The following GAS7 variants were observed in gnomAD, a reference collection of about 807,000 sequenced individuals.
GAS7 encodes the protein growth arrest-specific protein 7.
GAS7 carries 28 observed loss-of-function variants against 71.1 expected under a neutral mutation model. The observed-to-expected ratio is 0.39, with a 90% CI of 0.29 to 0.54. The LOEUF is 0.54. Among genes scored for constraint, GAS7 ranks in the 20% least tolerant of loss-of-function variants. The pLI, the probability that GAS7 is intolerant of heterozygous loss-of-function variation, is 0.62. For missense variants in GAS7, 436 were observed against 627.8 expected, an observed-to-expected ratio of 0.69 and a Z score of 3.27; for synonymous variants, 258 against 245.8, an observed-to-expected ratio of 1.05 and a Z score of -0.46.
At chr17:10,107,907 G>A (rs1243397230) in intron 1 of GAS7, among the ~76,000 whole-genome samples, 2 of 151,202 alleles carry the variant, frequency 1.3e-5, no homozygotes, top group African/African-American at 4.9e-5. Flanking sequence ...ACACAGTCCA[G>A]TGGTGGTGGG....
At chr17:9,930,099 G>A (rs2068156555) in intron 9 of GAS7, among the ~76,000 whole-genome samples, 1 of 152,220 alleles carries the variant, frequency 6.6e-6, no homozygotes, top group African/African-American at 2.4e-5. Context: ...GATTTAATGG[G>A]CCAGGACCAG....
intron 1 of GAS7, among the ~76,000 whole-genome samples, chr17:10,173,960 C>G (rs2074353639): frequency 6.6e-6 from 1 of 152,128 alleles, no homozygotes; most frequent in Admixed American, 6.5e-5. Flanking sequence ...CACAGGAAAA[C>G]CAGCTGATCT....
intron 1 of GAS7, among the ~76,000 whole-genome samples, chr17:10,128,408 A>G (rs2073968029): frequency 6.6e-6 from 1 of 152,048 alleles, no homozygotes; most frequent in African/African-American, 2.4e-5. Flanking sequence ...GAGACCCACA[A>G]ACCCACAGCC....
intron 1 of GAS7, among the ~76,000 whole-genome samples, chr17:10,080,567 G>A (rs1015816382): frequency 6.6e-6 from 1 of 152,078 alleles, no homozygotes; most frequent in Non-Finnish European, 1.5e-5. Flanking sequence ...CTTGGGGTCT[G>A]GTTCAGGACC....
intron 1 of GAS7, among the ~76,000 whole-genome samples, chr17:10,139,960 C>G (rs2074067512): frequency 6.6e-6 from 1 of 152,226 alleles, no homozygotes; most frequent in Admixed American, 6.5e-5. Flanking sequence ...GATACCCACA[C>G]TATCAAAGTC....
At chr17:10,057,163 G>T (rs926137540) in intron 1 of GAS7, among the ~76,000 whole-genome samples, 1 of 152,156 alleles carries the variant, frequency 6.6e-6, no homozygotes, top group Non-Finnish European at 1.5e-5. Context: ...CCTCCCAGCC[G>T]CCTGCCTTGG....
rs1298584869 is a variant in GAS7, at chr17:9,911,544, T to G, written c.*5684A>C. The G allele has an allele frequency of 4.3e-6, 1 of 233,164 alleles. No homozygotes were observed. The highest frequency in any genetic ancestry group is 8.5e-6 in the Non-Finnish European group (1 of 118,060). The allele number at this position is 233,164 out of a possible 1,614,324, so 14.4% of individuals were successfully genotyped here. ...CCCTCCTGACAGCCATGCCCCAGCA[T>G]TTAGAACGTGGGGAGAAGCGAATTG... On this transcript the variant is annotated 3_prime_UTR_variant, in exon 14 of 14. Transcript: ENST00000432992. This position sits in a 1 kb window ranked among gnomAD's most constrained non-coding sequence, Gnocchi z 4.0.
intron 1 of GAS7, among the ~76,000 whole-genome samples, chr17:10,060,867 T>TC (rs1423281606): frequency 6.6e-6 from 1 of 152,004 alleles, no homozygotes; most frequent in Non-Finnish European, 1.5e-5. Flanking sequence ...GGCGACTTTG[T>TC]CCCCCCTGAG....
intron 2 of GAS7, among the ~76,000 whole-genome samples, chr17:10,013,345 C>A (rs964292277): frequency 5.9e-5 from 9 of 152,198 alleles, no homozygotes; most frequent in Non-Finnish European, 1.2e-4. Flanking sequence ...CTAAGACAGT[C>A]TCCTTAACAC....
intron 3 of GAS7, among the ~76,000 whole-genome samples, chr17:9,971,279 G>A (rs1263370329): frequency 6.6e-6 from 1 of 152,060 alleles, no homozygotes; most frequent in Non-Finnish European, 1.5e-5. Flanking sequence ...AGGGAGGAAT[G>A]GCCAGGGGGC....
intron 1 of GAS7, among the ~76,000 whole-genome samples, chr17:10,110,477 T>A (rs545717445): frequency 6.6e-6 from 1 of 152,238 alleles, no homozygotes; most frequent in South Asian, 2.1e-4. Flanking sequence ...TTCTTTTCTT[T>A]TTTTTTAAGA....
chr17:10,036,192 C>T (rs977838672), intron 1 of GAS7, among the ~76,000 whole-genome samples: 7 of 152,094 alleles, frequency 4.6e-5, no homozygotes, highest in Non-Finnish European at 8.8e-5. Context: ...TCCTCCCATC[C>T]GCTTTTCCTG....
intron 2 of GAS7, among the ~76,000 whole-genome samples, chr17:10,005,193 G>C (rs80159082): frequency 6.7e-6 from 1 of 149,130 alleles, no homozygotes; most frequent in South Asian, 2.1e-4. Context: ...GTATGTGCAC[G>C]CATGCATGTG....
rs1378046591 is a variant in GAS7, at chr17:9,981,313, C to T, written c.385+491G>A. On this transcript the variant is annotated intron_variant, in intron 3 of 13. Coordinates refer to ENST00000432992, the MANE Select transcript of GAS7 (RefSeq NM_201433.2). The surrounding 1 kb of genome is among the most constrained non-coding windows in gnomAD (Gnocchi z 4.4). ...CTCAAAAGAGAAACAAACAAACAAA[C>T]AAAAAAGAACGTCCATCTCAACTGC... is the stretch of plus-strand genomic sequence containing the variant. 6.6e-6 allele frequency among the ~76,000 whole-genome samples: 1 copy of T among 151,956 alleles called. No individual in the cohort carries two copies. The highest frequency in any genetic ancestry group is 2.4e-5 in the African/African-American group (1 of 41,388).
chr17:9,994,425 TG>T (rs1163418634), intron 2 of GAS7, among the ~76,000 whole-genome samples: 1 of 144,470 alleles, frequency 6.9e-6, no homozygotes, highest in Non-Finnish European at 1.5e-5. Context: ...AAACAAGCAT[TG>T]GGGAAAGGAT....
In GAS7 at chr17:9,934,168, T is replaced by C. The variant is rs2068308195; in HGVS notation, c.883A>G (p.Lys295Glu). 1.2e-6 allele frequency: 2 copies of C among 1,606,778 alleles called. No homozygotes were observed. The highest frequency in any genetic ancestry group is 8.5e-7 in the Non-Finnish European group (1 of 1,173,466). The change falls in exon 9 of 14, where the codon AAG (lysine) becomes GAG (glutamate). Residue 295 changes from lysine (K) to glutamate (E), a missense_variant and splice_region_variant. Transcript: ENST00000432992. Reference protein sequence around the residue: ...EAEVHLKFSAKLHSEVEKPLM... With the variant: ...EAEVHLKFSAELHSEVEKPLM... ...GGGTGGCTGCAGGGAGGGGTTACCTTGGCAGAGAACTTGAGGTGAACTTCT... is the reference window on the plus strand; with the variant it reads ...GGGTGGCTGCAGGGAGGGGTTACCTCGGCAGAGAACTTGAGGTGAACTTCT...
chr17:10,142,106 T>C (rs1476633253), intron 1 of GAS7, among the ~76,000 whole-genome samples: 2 of 151,498 alleles, frequency 1.3e-5, no homozygotes, highest in Admixed American at 6.6e-5. Context: ...CAGGTGCCTG[T>C]AGTCCCAGCT....
At chr17:10,153,871 G>A (rs1352935183) in intron 1 of GAS7, among the ~76,000 whole-genome samples, 15 of 151,694 alleles carry the variant, frequency 9.9e-5, no homozygotes, top group South Asian at 2.1e-4. Flanking sequence ...GTTCAAGACC[G>A]GCCTGGGCAA....
intron 1 of GAS7, among the ~76,000 whole-genome samples, chr17:10,061,595 T>C (rs1000136978): frequency 3.9e-5 from 6 of 152,208 alleles, no homozygotes; most frequent in Non-Finnish European, 7.3e-5. Flanking sequence ...CAGTTGAAGA[T>C]AGTTCAGCTT....
Sources: allele counts gnomAD v4.1 joint callset (sites outside exome capture counted in the v4.1 genomes callset), GRCh38; gene constraint gnomAD v4.1.1; non-coding constraint Gnocchi (gnomAD v3.1); transcripts MANE v1.5; gene names NCBI Gene and HGNC (gene_info 2026-07-23, HGNC 2026-07-21).